Variants in TGFBR2 observed in about 807,000 individuals in gnomAD.
The protein encoded by TGFBR2 is transforming growth factor beta receptor 2, also known as TGF-beta receptor type-2.
In TGFBR2, 18 loss-of-function variants were observed where a neutral mutation model predicts 49.0. The ratio of observed to expected loss-of-function variants is 0.37; its 90% CI spans 0.25 to 0.54. The LOEUF (loss-of-function observed/expected upper bound fraction) is 0.54. Ranked by LOEUF, TGFBR2 falls within the 20% of genes least tolerant of loss-of-function variation. TGFBR2 has a pLI of 0.85. For synonymous variants in TGFBR2, 282 were observed against 275.9 expected (o/e 1.02, Z -0.22); for missense variants, 525 against 722.6 (o/e 0.73, Z 3.13).
chr3:30,627,280 T>C (rs2125457565), intron 1 of TGFBR2, among the ~76,000 whole-genome samples: 1 of 152,264 alleles, frequency 6.6e-6, no homozygotes, highest in East Asian at 1.9e-4. Flanking sequence ...GCCTCCCTCA[T>C]AGACATTTTC....
chr3:30,691,117 A>G (rs1699701561), intron 6 of TGFBR2, among the ~76,000 whole-genome samples: 1 of 152,190 alleles, frequency 6.6e-6, no homozygotes. Context: ...TGGGAGTGTT[A>G]GTGTACCCCA....
Position 30,692,294 on chromosome 3 carries a change from T to A in TGFBR2, c.*695T>A, listed in dbSNP as rs1699724521. 1 of 230,060 alleles carries A rather than the reference T, an allele frequency of 4.3e-6. No individual in the cohort carries two copies. The allele number at this position is 230,060 out of a possible 1,614,324, so 14.3% of individuals were successfully genotyped here. A position where few individuals can be genotyped will look rare whatever the true frequency, so the allele number is the denominator to read the frequency against. On this transcript the variant is annotated 3_prime_UTR_variant, in exon 7 of 7. Transcript: ENST00000295754. ...CTGTGTGCCCTTATTTCTCCTGGAC[T>A]TTTCATTTAAGCTCCAAGCCCCAAA...
chr3:30,617,151 C>G (rs1698147967), intron 1 of TGFBR2, among the ~76,000 whole-genome samples: 1 of 151,768 alleles, frequency 6.6e-6, no homozygotes, highest in African/African-American at 2.4e-5. Flanking sequence ...TTCTCTACCA[C>G]TTTTCTTAAA....
chr3:30,607,982 C>T (rs1697961941), intron 1 of TGFBR2, among the ~76,000 whole-genome samples: 1 of 150,678 alleles, frequency 6.6e-6, no homozygotes, highest in East Asian at 1.9e-4. Flanking sequence ...CGCTCTGTCA[C>T]CAGGCTGGAG....
At chr3:30,663,829 T>C (rs1350305061) in intron 3 of TGFBR2, among the ~76,000 whole-genome samples, 1 of 152,196 alleles carries the variant, frequency 6.6e-6, no homozygotes, top group African/African-American at 2.4e-5. Flanking sequence ...TTTCTGTATC[T>C]GTGTTTTATT....
At chr3:30,630,776 CTT>C (rs1698421172) in intron 1 of TGFBR2, among the ~76,000 whole-genome samples, 2 of 152,190 alleles carry the variant, frequency 1.3e-5, no homozygotes, top group African/African-American at 4.8e-5. Flanking sequence ...TCCTTTTGCC[CTT>C]CCATTTTCTG....
At chr3:30,653,720 T>G (rs2125414137) in intron 3 of TGFBR2, among the ~76,000 whole-genome samples, 1 of 152,322 alleles carries the variant, frequency 6.6e-6, no homozygotes, top group South Asian at 2.1e-4. Context: ...TCTACCTTTT[T>G]TAATATGTAA....
chr3:30,622,382 A>G (rs1176137749), intron 1 of TGFBR2, among the ~76,000 whole-genome samples: 1 of 152,164 alleles, frequency 6.6e-6, no homozygotes, highest in Non-Finnish European at 1.5e-5. Context: ...TCAGTTCACT[A>G]TGGGTTTCTG....
rs888322380 is a variant in TGFBR2, at chr3:30,693,559, G to T, written c.*1960G>T. ...TGAGATTTTTAAGATACATGCAAAG[G>T]TTTGGAAATAGAACCTCTAGGCACC... is the stretch of plus-strand genomic sequence containing the variant. On this transcript the variant is annotated 3_prime_UTR_variant, in exon 7 of 7. Transcript: ENST00000295754. 2 of 233,306 alleles carry T rather than the reference G, an allele frequency of 8.6e-6. No homozygotes were observed. Among genetic ancestry groups the T allele is most frequent in the African/African-American group, 4.4e-5 (2 of 45,314 alleles). 14.5% of individuals were successfully genotyped at this position (233,306 alleles called of 1,614,324 possible). A position where few individuals can be genotyped will look rare whatever the true frequency, so the allele number is the denominator to read the frequency against.
intron 3 of TGFBR2, among the ~76,000 whole-genome samples, chr3:30,650,946 T>C (rs1038334091): frequency 6.6e-6 from 1 of 152,204 alleles, no homozygotes; most frequent in Admixed American, 6.5e-5. Context: ...TGATGTTGTT[T>C]CTTGTACATA....
chr3:30,626,854 T>C (rs1698340803), intron 1 of TGFBR2: 1 of 152,170 alleles, frequency 6.6e-6, no homozygotes, highest in Non-Finnish European at 1.5e-5. Context: ...GAGGTAGAAA[T>C]TTTGGTGGTA....
chr3:30,611,826 GA>G (rs1698035833), intron 1 of TGFBR2, among the ~76,000 whole-genome samples: 1 of 152,048 alleles, frequency 6.6e-6, no homozygotes, highest in South Asian at 2.1e-4. Context: ...GGGTGCAGGG[GA>G]AACATACTTC....
chr3:30,644,702 C>T (rs2125404585), intron 1 of TGFBR2, 45 bp from the exon 2 acceptor site: 2 of 1,581,936 alleles, frequency 1.3e-6, no homozygotes, highest in Non-Finnish European at 1.7e-6. Flanking sequence ...TGGCAGGCTG[C>T]CTGGCAGTTG....
intron 5 of TGFBR2, among the ~76,000 whole-genome samples, chr3:30,674,820 T>C (rs1699406621): frequency 6.6e-6 from 1 of 152,146 alleles, no homozygotes. Flanking sequence ...GAGACCTACT[T>C]TTCTCCTGAA....
chr3:30,655,091 C>T (rs1385592066), intron 3 of TGFBR2, among the ~76,000 whole-genome samples: 2 of 152,108 alleles, frequency 1.3e-5, no homozygotes, highest in African/African-American at 4.8e-5. Context: ...AATGGAAATA[C>T]AAAGCGGGTG....
At chr3:30,653,105 G>T (rs1189886584) in intron 3 of TGFBR2, among the ~76,000 whole-genome samples, 1 of 152,166 alleles carries the variant, frequency 6.6e-6, no homozygotes, top group Non-Finnish European at 1.5e-5. Flanking sequence ...GCTCCAGAAG[G>T]TAGGGGGTGT....
intron 1 of TGFBR2, chr3:30,623,196 C>T: frequency 1.4e-6 from 2 of 1,452,166 alleles, no homozygotes; most frequent in Non-Finnish European, 1.9e-6. Flanking sequence ...TCCTGTTTTA[C>T]AGATGTGGAA....
At chr3:30,644,516 G>A (rs1698694738) in intron 1 of TGFBR2, among the ~76,000 whole-genome samples, 1 of 152,078 alleles carries the variant, frequency 6.6e-6, no homozygotes, top group Admixed American at 6.5e-5. Context: ...AAAGCAAATG[G>A]CTACTCAACC....
chr3:30,625,641 G>T (rs1355332587), intron 1 of TGFBR2, among the ~76,000 whole-genome samples: 1 of 152,146 alleles, frequency 6.6e-6, no homozygotes, highest in Non-Finnish European at 1.5e-5. Context: ...TTTTCAGGAA[G>T]AATTTATACA....
Sources: gnomAD v4.1 joint callset for allele counts (sites outside exome capture counted in the v4.1 genomes callset) on GRCh38, gnomAD v4.1.1 for gene constraint, MANE v1.5 for transcripts, NCBI Gene and HGNC (gene_info 2026-07-23, HGNC 2026-07-21) for gene names.